VDAC1: variants seen among roughly 807,000 people sequenced by gnomAD.
The protein encoded by VDAC1 is non-selective voltage-gated ion channel VDAC1.
Under a neutral mutation model 34.7 loss-of-function variants are expected in VDAC1, and 10 were observed. The observed-to-expected ratio is 0.29, with a 90% CI of 0.18 to 0.49. The LOEUF is 0.49. VDAC1 is among the 20% of genes least tolerant of loss of function. VDAC1 has a pLI of 0.99. For missense variants in VDAC1, 230 were observed against 347.9 expected (o/e 0.66, Z 2.69); for synonymous variants, 130 against 136.0 (o/e 0.96, Z 0.30).
At chr5:134,056,476 G>A in the VDAC1 span, among the ~76,000 whole-genome samples, 1 of 113,898 alleles carries the variant, frequency 8.8e-6, no homozygotes, top group Non-Finnish European at 1.8e-5. Context: ...GTTTATCTCT[G>A]TTGCCCAGGT....
At chr5:133,989,396 G>C (rs1454638390) in intron 5 of VDAC1, among the ~76,000 whole-genome samples, 6 of 146,614 alleles carry the variant, frequency 4.1e-5, no homozygotes, top group Non-Finnish European at 7.4e-5. Context: ...GTCTCTCTCT[G>C]TAGCCCAGGC....
the VDAC1 span, among the ~76,000 whole-genome samples, chr5:134,109,770 C>CAAAAAAAAAAAAAAAAAAAAAAAAAAA: frequency 8.6e-5 from 12 of 140,276 alleles, no homozygotes; most frequent in African/African-American, 2.8e-4. Flanking sequence ...GGCTCCATCT[C>CAAAAAAAAAAAAAAAAAAAAAAAAAAA]AAAAAAAAAA....
the VDAC1 span, among the ~76,000 whole-genome samples, chr5:134,012,996 G>C: frequency 7.9e-5 from 12 of 152,096 alleles, no homozygotes; most frequent in African/African-American, 2.9e-4. Flanking sequence ...ATGGGGAAAG[G>C]ACTCCCTATT....
the VDAC1 span, among the ~76,000 whole-genome samples, chr5:134,027,687 G>A: frequency 2.6e-5 from 4 of 151,402 alleles, no homozygotes; most frequent in East Asian, 5.8e-4. Flanking sequence ...TCAATTACCC[G>A]TGATCTTCTC....
the VDAC1 span, among the ~76,000 whole-genome samples, chr5:134,086,088 TG>T: frequency 1.1e-4 from 17 of 152,124 alleles, no homozygotes; most frequent in African/African-American, 4.1e-4. Context: ...CCCAGCCACT[TG>T]GGAGGCTGAG....
the VDAC1 span, among the ~76,000 whole-genome samples, chr5:134,101,133 G>A: frequency 6.0e-4 from 91 of 152,356 alleles, no homozygotes; most frequent in Middle Eastern, 6.8e-3. Flanking sequence ...CCTTGACGAA[G>A]GCCACCTTCA....
the VDAC1 span, among the ~76,000 whole-genome samples, chr5:134,111,141 G>A: frequency 1.3e-5 from 2 of 152,214 alleles, no homozygotes; most frequent in East Asian, 3.9e-4. Flanking sequence ...GCTCAGAGAG[G>A]GTCAGCAATC....
chr5:133,997,671 G>GCA (rs1415978461), intron 1 of VDAC1, among the ~76,000 whole-genome samples: 2 of 135,674 alleles, frequency 1.5e-5, no homozygotes, highest in Non-Finnish European at 3.0e-5. Flanking sequence ...TCATGCCACT[G>GCA]CACTCCAGCC....
the VDAC1 span, among the ~76,000 whole-genome samples, chr5:134,019,041 T>C: frequency 6.6e-6 from 1 of 152,184 alleles, no homozygotes; most frequent in Non-Finnish European, 1.5e-5. Context: ...TCTCCCCGCT[T>C]GGCTGATTTT....
intron 3 of VDAC1, 126 bp downstream of exon 3, chr5:133,992,180 G>A: frequency 1.7e-6 from 1 of 577,932 alleles, no homozygotes; most frequent in East Asian, 4.2e-5. Flanking sequence ...AGGTTGTGGT[G>A]AGCTGAGATC....
the VDAC1 span, among the ~76,000 whole-genome samples, chr5:134,079,948 G>C: frequency 6.6e-6 from 1 of 152,272 alleles, no homozygotes; most frequent in African/African-American, 2.4e-5. Context: ...TGGAAGCTCT[G>C]AGTAATGCTG....
the VDAC1 span, among the ~76,000 whole-genome samples, chr5:134,072,921 G>T: frequency 1.3e-5 from 2 of 152,190 alleles, no homozygotes; most frequent in Non-Finnish European, 2.9e-5. Flanking sequence ...TCCCAATCAT[G>T]TTGTGTAAAC....
At chr5:134,099,534 C>A in the VDAC1 span, among the ~76,000 whole-genome samples, 25 of 152,156 alleles carry the variant, frequency 1.6e-4, no homozygotes, top group African/African-American at 5.8e-4. Flanking sequence ...ACATGCTGCA[C>A]GGCCTCCTGG....
chr5:134,001,155 C>T (rs1424651752), intron 1 of VDAC1, among the ~76,000 whole-genome samples: 1 of 152,234 alleles, frequency 6.6e-6, no homozygotes, highest in African/African-American at 2.4e-5. Context: ...CTGTTAGCAC[C>T]TTGCAAGGGT....
At chr5:134,083,183 TTTTTTTC>T in the VDAC1 span, among the ~76,000 whole-genome samples, 6 of 147,064 alleles carry the variant, frequency 4.1e-5, no homozygotes, top group African/African-American at 1.6e-4. Flanking sequence ...TCTTTTTCTT[TTTTTTTC>T]TTTTTTTTTT....
chr5:134,066,408 T>G, the VDAC1 span, among the ~76,000 whole-genome samples: 1 of 152,234 alleles, frequency 6.6e-6, no homozygotes, highest in Admixed American at 6.5e-5. Context: ...AGCATGTCTG[T>G]GTTTATTTTG....
chr5:134,084,374 C>G, the VDAC1 span, among the ~76,000 whole-genome samples: 1 of 152,190 alleles, frequency 6.6e-6, no homozygotes, highest in Non-Finnish European at 1.5e-5. Flanking sequence ...GGGCCGAGAG[C>G]TGAGCTACTG....
chr5:134,069,361 A>G, the VDAC1 span, among the ~76,000 whole-genome samples: 1 of 152,152 alleles, frequency 6.6e-6, no homozygotes, highest in Non-Finnish European at 1.5e-5. Context: ...TCCACCAGCC[A>G]TCACCTAATA....
At chr5:133,993,670 A>C (rs1197792911) in intron 1 of VDAC1, among the ~76,000 whole-genome samples, 5 of 152,222 alleles carry the variant, frequency 3.3e-5, no homozygotes, top group Non-Finnish European at 2.9e-5. Context: ...CATCCTCCAA[A>C]TACATTAAAC....
Sources: gnomAD v4.1 joint callset for allele counts (sites outside exome capture counted in the v4.1 genomes callset) on GRCh38, gnomAD v4.1.1 for gene constraint, MANE v1.5 for transcripts, NCBI Gene and HGNC (gene_info 2026-07-23, HGNC 2026-07-21) for gene names.